Variants in KYAT1 observed in about 807,000 individuals in gnomAD.
KYAT1 encodes the protein kynurenine aminotransferase 1.
Under a neutral mutation model 52.4 loss-of-function variants are expected in KYAT1, and 47 were observed. The observed-to-expected ratio is 0.90, with a 90% CI of 0.71 to 1.14. The LOEUF (loss-of-function observed/expected upper bound fraction) is 1.14. Among genes scored for constraint, KYAT1 ranks in the 50% most tolerant of loss-of-function variants. The probability of loss-of-function intolerance (pLI) is 0.00; values close to 1 mark genes in which losing one functional copy is unlikely to be tolerated. For synonymous variants in KYAT1, 212 were observed against 209.6 expected, an observed-to-expected ratio of 1.01 and a Z score of -0.10; for missense variants, 480 against 557.9, an observed-to-expected ratio of 0.86 and a Z score of 1.41.
At chr9:128,846,615 A>G (rs928517712) in intron 1 of KYAT1, 6 of 1,039,692 alleles carry the variant, frequency 5.8e-6, no homozygotes, top group Non-Finnish European at 8.0e-6. Flanking sequence ...AAAAAAAAAA[A>G]AAAAAAAAAA....
At chr9:128,871,536 T>C (rs1837227410) in intron 1 of KYAT1, among the ~76,000 whole-genome samples, 1 of 151,896 alleles carries the variant, frequency 6.6e-6, no homozygotes, top group African/African-American at 2.4e-5. Flanking sequence ...TAACAAGACC[T>C]TGTCTCTACA....
intron 11 of KYAT1, 81 bp from the exon 12 acceptor site, chr9:128,833,907 AC>A (rs746032400): frequency 4.9e-5 from 55 of 1,114,968 alleles, no homozygotes; most frequent in East Asian, 2.9e-4. Flanking sequence ...AGAGGTTCCC[AC>A]GACCAGGCGG....
At chr9:128,874,849 T>G (rs1194911435) in intron 1 of KYAT1, among the ~76,000 whole-genome samples, 1 of 151,222 alleles carries the variant, frequency 6.6e-6, no homozygotes, top group Non-Finnish European at 1.5e-5. Flanking sequence ...CTCAGCCTCC[T>G]GAGTAGCTGG....
At chr9:128,843,203 T>A (rs937300112) in intron 2 of KYAT1, among the ~76,000 whole-genome samples, 2 of 151,728 alleles carry the variant, frequency 1.3e-5, no homozygotes, top group East Asian at 3.9e-4. Flanking sequence ...AACACACACA[T>A]ACACACACAA....
intron 3 of KYAT1, chr9:128,840,499 C>G: frequency 2.8e-6 from 1 of 359,402 alleles, no homozygotes; most frequent in Non-Finnish European, 5.3e-6. Flanking sequence ...GATCTGCCAG[C>G]CTTAGCCTCC....
At chr9:128,882,161 G>T (rs1839045808), upstream of KYAT1, 1 of 152,672 alleles carries the variant, frequency 6.5e-6, no homozygotes, top group South Asian at 2.0e-4. Context: ...CAAACAAAAG[G>T]AGGCGCCGGA....
At chr9:128,846,625 A>G in intron 1 of KYAT1, 5 of 843,962 alleles carry the variant, frequency 5.9e-6, no homozygotes, top group Non-Finnish European at 5.0e-6. Context: ...AAAAAAAAAA[A>G]GAAAGAAAGA....
intron 1 of KYAT1, among the ~76,000 whole-genome samples, chr9:128,871,697 G>C (rs993089797): frequency 2.0e-5 from 3 of 152,168 alleles, no homozygotes; most frequent in Admixed American, 2.0e-4. Flanking sequence ...GGGTGACAGA[G>C]TGAGATCCTG....
chr9:128,882,015 C>A (rs1335707029), upstream of KYAT1: 1 of 152,274 alleles, frequency 6.6e-6, no homozygotes, highest in Non-Finnish European at 1.5e-5. Flanking sequence ...CAGCAGGGCG[C>A]TAGCGCGGAG....
Position 128,835,559 on chromosome 9 carries a change from G to A in KYAT1, c.964C>T (p.Arg322Cys), listed in dbSNP as rs771096858. ...TTCAGGCCCACTGACTGTAGGCTAC[G>A]TATCATGTGGTCACGGCAGCGCTGC... is the stretch of plus-strand genomic sequence containing the variant. ...AMQRCRDHMI[R>C]SLQSVGLKPI... The change falls in exon 10 of 13, where the codon CGT becomes TGT. Residue 322 changes from arginine to cysteine, a missense_variant. Coordinates refer to ENST00000302586, the MANE Select transcript of KYAT1 (RefSeq NM_004059.5). 24 of 1,613,430 alleles carry A rather than the reference G, an allele frequency of 1.5e-5. No individual in the cohort carries two copies. The Admixed American group carries it at 1.7e-4, about 11-fold the overall frequency.
rs562073603 is a variant in KYAT1 at position 128,835,333 on chromosome 9, A to G, written c.1112T>C (p.Ile371Thr). The G allele has an allele frequency of 3.5e-5, 57 of 1,613,610 alleles. 2 individuals are homozygous for G. In the Middle Eastern group the frequency reaches 8.2e-4, roughly 23 times the overall value. The change falls in exon 11 of 13, where the codon ATC (isoleucine) becomes ACC (threonine). Residue 371 changes from isoleucine to threonine, a missense_variant. Transcript: ENST00000302586. The stretch of plus-strand genomic sequence containing the variant: ...AGAGGCCCAGCCCACCTTGTTCTTG[A>G]TCATCCACTTGACGAAGCGTCTGTC... ...PYDRRFVKWM[I>T]KNKGLVAIPV...
intron 6 of KYAT1, among the ~76,000 whole-genome samples, chr9:128,837,187 G>A (rs545662737): frequency 1.3e-5 from 2 of 152,234 alleles, no homozygotes; most frequent in African/African-American, 2.4e-5. Flanking sequence ...CCAGCTACTC[G>A]GGAGGCTGAG....
At chr9:128,850,150 T>A (rs1833754385) in intron 1 of KYAT1, among the ~76,000 whole-genome samples, 2 of 151,796 alleles carry the variant, frequency 1.3e-5, no homozygotes, top group African/African-American at 2.4e-5. Flanking sequence ...CCTCCCACAG[T>A]GTTAGGATTG....
chr9:128,859,100 C>T lies in KYAT1; in HGVS notation c.-6-13689G>A, dbSNP rs142401838. 7.9e-3 allele frequency among the ~76,000 whole-genome samples: 1,204 copies of T among 152,114 alleles called. 4 individuals are homozygous for T. Among genetic ancestry groups the T allele is most frequent in the Non-Finnish European group, 0.013 (910 of 67,976 alleles). On this transcript the variant is annotated intron_variant, in intron 1 of 12. Transcript: ENST00000302586. ...ACCCTTGGCCAGGCACGGTGACTCA[C>T]GCCTGTAATCCCAGCATTTTGGGAG...
At chr9:128,852,741 C>T (rs1296216641) in intron 1 of KYAT1, among the ~76,000 whole-genome samples, 1 of 152,164 alleles carries the variant, frequency 6.6e-6, no homozygotes, top group Non-Finnish European at 1.5e-5. Flanking sequence ...AAATGACTTT[C>T]AAAAATTGCT....
chr9:128,836,993 G>A (rs1157431522), intron 6 of KYAT1, 71 bp from the exon 7 acceptor site: 3 of 1,560,590 alleles, frequency 1.9e-6, no homozygotes, highest in Non-Finnish European at 1.7e-6. Flanking sequence ...TACTCAGAGA[G>A]GTTAAAGAAC....
chr9:128,876,106 T>A (rs1837990271), intron 1 of KYAT1, among the ~76,000 whole-genome samples: 1 of 152,094 alleles, frequency 6.6e-6, no homozygotes. Context: ...TCCCTCCCTT[T>A]ACTCTTTTTT....
At chr9:128,853,056 T>C (rs2119320776) in intron 1 of KYAT1, among the ~76,000 whole-genome samples, 1 of 152,360 alleles carries the variant, frequency 6.6e-6, no homozygotes, top group South Asian at 2.1e-4. Flanking sequence ...GACTTTTACA[T>C]TGTACTTAGA....
intron 1 of KYAT1, among the ~76,000 whole-genome samples, chr9:128,863,334 T>C (rs1278711786): frequency 2.0e-5 from 3 of 151,762 alleles, no homozygotes; most frequent in Non-Finnish European, 2.9e-5. Context: ...ATGAAATAAA[T>C]AATAATAATT....
Sources: gnomAD v4.1 joint callset for allele counts (sites outside exome capture counted in the v4.1 genomes callset) on GRCh38, gnomAD v4.1.1 for gene constraint, MANE v1.5 for transcripts, NCBI Gene and HGNC (gene_info 2026-07-23, HGNC 2026-07-21) for gene names.